The following ITFG1 variants were observed in gnomAD, a reference collection of about 807,000 sequenced individuals.
The protein encoded by ITFG1 is integrin alpha FG-GAP repeat containing 1.
ITFG1 carries 34 observed loss-of-function variants against 81.8 expected under a neutral mutation model. The observed-to-expected ratio is 0.42, with a 90% CI of 0.32 to 0.55. The LOEUF is 0.55. Among genes scored for constraint, ITFG1 ranks in the 20% least tolerant of loss-of-function variants. ITFG1 has a pLI of 0.17. For synonymous variants in ITFG1, 285 were observed against 270.6 expected (o/e 1.05, Z -0.52); for missense variants, 672 against 755.4 (o/e 0.89, Z 1.29).
At chr16:47,409,590 A>G (rs1567490430) in intron 6 of ITFG1, among the ~76,000 whole-genome samples, 1 of 144,988 alleles carries the variant, frequency 6.9e-6, no homozygotes, top group African/African-American at 2.5e-5. Context: ...TAATTTTTGT[A>G]TTTTTTTTTG....
intron 6 of ITFG1, among the ~76,000 whole-genome samples, chr16:47,378,674 C>G (rs1425152229): frequency 6.6e-6 from 1 of 151,960 alleles, no homozygotes; most frequent in Non-Finnish European, 1.5e-5. Context: ...GTAAAATAGA[C>G]TTTTTAAAAA....
rs1596822262 is a variant in ITFG1 at position 47,230,898 on chromosome 16, G to A, written c.1374+7067C>T. Among the ~76,000 whole-genome samples, 4 of 152,286 alleles carry A rather than the reference G, an allele frequency of 2.6e-5. No individual in the cohort carries two copies. The South Asian group carries it at 6.2e-4, about 24-fold the overall frequency. Reference sequence around the variant, plus strand: ...CGAGTAGCTGGGACTACAGGCGCCCGACACCATGTCCGGCTAATTTTTTGT... The same window carrying A: ...CGAGTAGCTGGGACTACAGGCGCCCAACACCATGTCCGGCTAATTTTTTGT... On this transcript the variant is annotated intron_variant, in intron 13 of 17. Transcript: ENST00000320640.
intron 13 of ITFG1, among the ~76,000 whole-genome samples, chr16:47,225,136 C>T (rs1024093412): frequency 6.6e-6 from 1 of 151,880 alleles, no homozygotes; most frequent in Admixed American, 6.6e-5. Context: ...TTCTACAATA[C>T]AATAACTGAA....
intron 10 of ITFG1, among the ~76,000 whole-genome samples, chr16:47,296,540 A>T (rs1966985145): frequency 6.6e-6 from 1 of 152,096 alleles, no homozygotes; most frequent in South Asian, 2.1e-4. Context: ...GATTCAAGCG[A>T]TTCTCCTGCC....
Position 47,158,816 on chromosome 16 carries a change from T to C in ITFG1, c.1779+57A>G, listed in dbSNP as rs1964755468. ...TAAATATAGTGTTTTTAAAGAGCAA[T>C]GTATGTATTACTAGAATAAATTAAC... is the stretch of plus-strand genomic sequence containing the variant. On this transcript the variant is annotated intron_variant, in intron 17 of 17. Coordinates refer to ENST00000320640, the MANE Select transcript of ITFG1 (RefSeq NM_030790.5). The C allele has an allele frequency of 4.9e-6, 4 of 815,996 alleles. No homozygotes were observed. In the South Asian group the frequency reaches 6.4e-5, roughly 13 times the overall value. The allele number at this position is 815,996 out of a possible 1,614,324, so 50.5% of individuals were successfully genotyped here.
intron 14 of ITFG1, among the ~76,000 whole-genome samples, chr16:47,192,639 G>T (rs1302892998): frequency 1.3e-5 from 2 of 152,142 alleles, no homozygotes; most frequent in African/African-American, 4.8e-5. Context: ...GCTGGAGTTG[G>T]GTATTTCACT....
At chr16:47,440,073 T>C (rs1252957212) in intron 5 of ITFG1, among the ~76,000 whole-genome samples, 2 of 151,496 alleles carry the variant, frequency 1.3e-5, no homozygotes, top group Non-Finnish European at 2.9e-5. Flanking sequence ...CCAACAAAGA[T>C]CAAAAGAGAC....
chr16:47,168,131 G>C (rs1231953259), intron 14 of ITFG1, among the ~76,000 whole-genome samples: 1 of 152,192 alleles, frequency 6.6e-6, no homozygotes. Flanking sequence ...TAGTGGTTCT[G>C]AAGTGGTAAC....
chr16:47,389,711 TTAAG>T (rs1567483379), intron 6 of ITFG1, among the ~76,000 whole-genome samples: 1 of 152,154 alleles, frequency 6.6e-6, no homozygotes, highest in Admixed American at 6.5e-5. Flanking sequence ...CTCACTGCAA[TTAAG>T]TTAGTACATA....
chr16:47,342,226 G>A (rs1339590900), intron 8 of ITFG1, among the ~76,000 whole-genome samples: 1 of 152,060 alleles, frequency 6.6e-6, no homozygotes, highest in Non-Finnish European at 1.5e-5. Context: ...ACATAAAATT[G>A]ACCAATGTAA....
chr16:47,304,975 A>G (rs555200654), intron 10 of ITFG1, among the ~76,000 whole-genome samples: 38 of 152,314 alleles, frequency 2.5e-4, no homozygotes, highest in African/African-American at 8.2e-4. Flanking sequence ...TTAACTGTAT[A>G]TGTTGATGAT....
At chr16:47,283,932 G>A (rs998644735) in intron 10 of ITFG1, among the ~76,000 whole-genome samples, 2 of 152,166 alleles carry the variant, frequency 1.3e-5, no homozygotes, top group Non-Finnish European at 2.9e-5. Flanking sequence ...ATGCAGAACT[G>A]ATATATCTGA....
chr16:47,155,663 TTG>T lies in ITFG1; in HGVS notation c.*54_*55del, dbSNP rs1964691612. ...CTCCCCTATTTTTTCAAGCCAGAAT[TTG>T]TGTTTCAACTAATCAAGTGAACAGC... is the stretch of plus-strand genomic sequence containing the variant. On this transcript the variant is annotated 3_prime_UTR_variant, in exon 18 of 18. Coordinates refer to ENST00000320640, the MANE Select transcript of ITFG1 (RefSeq NM_030790.5). 1.7e-6 allele frequency: 2 copies of T among 1,148,384 alleles called. No individual in the cohort carries two copies. The highest frequency in any genetic ancestry group is 2.5e-6 in the Non-Finnish European group (2 of 787,378). 71.1% of individuals were successfully genotyped at this position (1,148,384 alleles called of 1,614,324 possible).
chr16:47,201,207 ATTTTT>A (rs765492131), intron 14 of ITFG1, among the ~76,000 whole-genome samples: 2 of 139,802 alleles, frequency 1.4e-5, no homozygotes, highest in Non-Finnish European at 1.6e-5. Flanking sequence ...ATTTAGGAGA[ATTTTT>A]TTTTTTTTTT....
chr16:47,321,489 T>C (rs1179030311), intron 8 of ITFG1, among the ~76,000 whole-genome samples: 2 of 152,220 alleles, frequency 1.3e-5, no homozygotes, highest in African/African-American at 2.4e-5. Context: ...AATATAACTT[T>C]ATATTTTTCA....
At chr16:47,421,270 G>GCACACACACACACACACACACA in intron 6 of ITFG1, among the ~76,000 whole-genome samples, 1 of 130,024 alleles carries the variant, frequency 7.7e-6, no homozygotes, top group African/African-American at 2.8e-5. Flanking sequence ...ACATACATAT[G>GCACACACACACACACACACACA]CACACACACA....
At chr16:47,341,256 A>AAAATAAATAAATAAAT (rs111605574) in intron 8 of ITFG1, among the ~76,000 whole-genome samples, 15 of 150,800 alleles carry the variant, frequency 9.9e-5, no homozygotes, top group African/African-American at 3.7e-4. Flanking sequence ...CCATCTGTAA[A>AAAATAAATAAATAAAT]AAATAAATAA....
chr16:47,332,639 T>C (rs1009571782), intron 8 of ITFG1, among the ~76,000 whole-genome samples: 5 of 152,204 alleles, frequency 3.3e-5, no homozygotes, highest in Middle Eastern at 3.2e-3. Flanking sequence ...AATTATGTCC[T>C]TTATCTCCAT....
Position 47,266,832 on chromosome 16 carries a change from A to C in ITFG1, c.1071-6137T>G, listed in dbSNP as rs191080391. On this transcript the variant is annotated intron_variant, in intron 10 of 17. Transcript: ENST00000320640. ...CTATCAATTGATGAATGGATAAACAAAATGTGGTATATCTATATAACAAAA... is the reference window on the plus strand; with the variant it reads ...CTATCAATTGATGAATGGATAAACACAATGTGGTATATCTATATAACAAAA... Among the ~76,000 whole-genome samples the C allele has an allele frequency of 5.8e-4, 88 of 152,328 alleles. 2 individuals are homozygous for C. The highest frequency in any genetic ancestry group is 4.6e-3 in the Admixed American group (71 of 15,296).
Sources: gnomAD v4.1 joint callset for allele counts (sites outside exome capture counted in the v4.1 genomes callset) on GRCh38, gnomAD v4.1.1 for gene constraint, MANE v1.5 for transcripts, NCBI Gene and HGNC (gene_info 2026-07-23, HGNC 2026-07-21) for gene names.